Variants in PYGB observed in about 807,000 individuals in gnomAD.
PYGB encodes glycogen phosphorylase, brain form.
A neutral mutation model predicts 94.3 loss-of-function variants in PYGB; 82 were observed. The ratio of observed to expected loss-of-function variants is 0.87; its 90% CI spans 0.73 to 1.04. The LOEUF (loss-of-function observed/expected upper bound fraction) is 1.04. Among genes scored for constraint, PYGB ranks in the 50% least tolerant of loss-of-function variants. The pLI is 0.00. For missense variants in PYGB, 1,132 were observed against 1,158.2 expected (o/e 0.98, Z 0.33); for synonymous variants, 488 against 479.1 (o/e 1.02, Z -0.24).
intron 16 of PYGB, 84 bp from the exon 17 acceptor site, chr20:25,292,322 G>A (rs2088475085): frequency 6.7e-6 from 10 of 1,492,616 alleles, no homozygotes; most frequent in South Asian, 1.2e-5. Flanking sequence ...CCGGGTGGAT[G>A]GGCCGGCTTG....
chr20:25,266,627 A>C (rs184955217), intron 2 of PYGB, among the ~76,000 whole-genome samples: 28 of 152,336 alleles, frequency 1.8e-4, no homozygotes, highest in African/African-American at 6.3e-4. Flanking sequence ...TAAATCCTAA[A>C]TCTGATAAGA....
At chr20:25,257,544 T>G (rs753960721) in intron 1 of PYGB, among the ~76,000 whole-genome samples, 3 of 152,116 alleles carry the variant, frequency 2.0e-5, no homozygotes, top group Non-Finnish European at 4.4e-5. Context: ...AAATCCACAT[T>G]TTAGCCAGGT....
At position 25,265,272 on chromosome 20, in the gene PYGB, A is replaced by G. The variant is rs894932334; in HGVS notation, c.346-3857A>G. Among the ~76,000 whole-genome samples the G allele has an allele frequency of 4.0e-5, 6 of 151,272 alleles. No homozygotes were observed. In the East Asian group the frequency reaches 1.2e-3, roughly 29 times the overall value. On this transcript the variant is annotated intron_variant, in intron 2 of 19. Coordinates refer to ENST00000216962, the MANE Select transcript of PYGB (RefSeq NM_002862.4). The stretch of plus-strand genomic sequence containing the variant: ...AAATGGAATTGCTGGATCATATGGC[A>G]GTTCCATTCTTAATTTTTTTTTTGG...
chr20:25,251,467 T>C (rs576923990), intron 1 of PYGB, among the ~76,000 whole-genome samples: 1 of 152,352 alleles, frequency 6.6e-6, no homozygotes, highest in South Asian at 2.1e-4. Flanking sequence ...TTCTATTTCA[T>C]ATTGAATTGA....
chr20:25,282,559 AG>A (rs1488382385), intron 12 of PYGB, among the ~76,000 whole-genome samples: 38 of 152,232 alleles, frequency 2.5e-4, no homozygotes, highest in African/African-American at 8.9e-4. Context: ...AGCCGCTGGG[AG>A]GGTGGGACCG....
At position 25,294,190 on chromosome 20, in the gene PYGB, C is replaced by G; in HGVS notation, c.2210C>G (p.Pro737Arg). 1.2e-6 allele frequency: 2 copies of G among 1,613,932 alleles called. No homozygotes were observed. The highest frequency in any genetic ancestry group is 2.2e-5 in the East Asian group (1 of 44,882). The change falls in exon 18 of 20, where the codon CCC becomes CGC. Residue 737 changes from proline (P) to arginine (R), a missense_variant. Pro to Arg is a moderately radical substitution (Grantham distance 103, BLOSUM62 -2). Transcript: ENST00000216962. ...GCCAGGGAGTACTACGACCACCTGC[C>G]CGAGCTGAAGCAGGCCGTGGACCAG... ...YNAREYYDHL[P>R]ELKQAVDQIS... is the part of the protein sequence containing the mutation.
intron 9 of PYGB, among the ~76,000 whole-genome samples, 168 bp from the exon 10 acceptor site, chr20:25,280,098 A>G (rs1419158274): frequency 6.6e-6 from 1 of 152,210 alleles, no homozygotes; most frequent in Non-Finnish European, 1.5e-5. Context: ...GCTGCGTGTC[A>G]GGCTTTCAGA....
rs1445655615 is a variant in PYGB, at chr20:25,271,383, C to T, written c.425C>T (p.Ala142Val). ...ACTGATTTGTGATTGATTTTTTCAG[C>T]GTGTTTCCTTGACTCAATGGCTACC... ...LGNGGLGRLA[A>V]CFLDSMATLG... The change falls in exon 4 of 20, where the codon GCG becomes GTG. Residue 142 changes from alanine to valine, a missense_variant and splice_region_variant. Physicochemically the swap from Ala to Val is moderately conservative, Grantham distance 64. Coordinates refer to ENST00000216962, the MANE Select transcript of PYGB (RefSeq NM_002862.4). 8 of 1,613,610 alleles carry T rather than the reference C, an allele frequency of 5.0e-6. No homozygotes were observed. The East Asian group carries it at 6.7e-5, about 13-fold the overall frequency.
intron 3 of PYGB, among the ~76,000 whole-genome samples, chr20:25,269,956 C>T (rs184997300): frequency 6.6e-6 from 1 of 152,234 alleles, no homozygotes; most frequent in Admixed American, 6.5e-5. Context: ...AGAGCCTTTG[C>T]CTTCTGCCCA....
At chr20:25,284,070 A>C (rs779745945) in intron 13 of PYGB, 34 bp from the exon 14 acceptor site, 1 of 1,608,740 alleles carries the variant, frequency 6.2e-7, no homozygotes, top group Admixed American at 1.7e-5. Context: ...GTCCTGGTGA[A>C]GTCTCCAGCC....
At position 25,280,433 on chromosome 20, in the gene PYGB, C is replaced by T. The variant is rs201923628; in HGVS notation, c.1239+21C>T. The T allele has an allele frequency of 1.9e-6, 3 of 1,611,658 alleles. No individual in the cohort carries two copies. In the African/African-American group the frequency reaches 4.1e-5, roughly 22 times the overall value. On this transcript the variant is annotated intron_variant, in intron 10 of 19. Transcript: ENST00000216962. ...TGGACGTGAGTGTGGGCCCAGCTGGCCGTGTAGGGTGGCGGCTACACCCAT... is the reference window on the plus strand; with the variant it reads ...TGGACGTGAGTGTGGGCCCAGCTGGTCGTGTAGGGTGGCGGCTACACCCAT...
intron 2 of PYGB, among the ~76,000 whole-genome samples, chr20:25,267,780 C>T (rs1479009557): frequency 6.6e-6 from 1 of 152,176 alleles, no homozygotes; most frequent in Non-Finnish European, 1.5e-5. Flanking sequence ...ATCCTCCCAC[C>T]TTGGCCTCCT....
chr20:25,269,213 T>C lies in PYGB; in HGVS notation c.424+6T>C. ...AGGCCTGGGGAGGCTGGCAGGTAAG[T>C]TGCCCCATCCAGGAGGAGCTCTCTC... On this transcript the variant is annotated splice_donor_region_variant and intron_variant, in intron 3 of 19. Transcript: ENST00000216962. 4 of 1,568,132 alleles carry C rather than the reference T, an allele frequency of 2.6e-6. No homozygotes were observed. Among genetic ancestry groups the C allele is most frequent in the Non-Finnish European group, 3.5e-6 (4 of 1,139,192 alleles).
intron 1 of PYGB, among the ~76,000 whole-genome samples, chr20:25,251,958 T>A (rs1475607955): frequency 6.6e-6 from 1 of 152,202 alleles, no homozygotes; most frequent in Non-Finnish European, 1.5e-5. Context: ...TAGAGAAGTG[T>A]TTTGCAGACC....
intron 15 of PYGB, among the ~76,000 whole-genome samples, chr20:25,289,314 A>G (rs2088445085): frequency 2.6e-5 from 4 of 152,278 alleles, no homozygotes; most frequent in African/African-American, 9.6e-5. Flanking sequence ...TGTAAAGTCC[A>G]TAGAGATACG....
chr20:25,286,602 A>T (rs1320001273), intron 14 of PYGB, among the ~76,000 whole-genome samples: 1 of 152,058 alleles, frequency 6.6e-6, no homozygotes, highest in African/African-American at 2.4e-5. Flanking sequence ...CCTCCAAGGC[A>T]GCTCCTCTGC....
intron 1 of PYGB, among the ~76,000 whole-genome samples, chr20:25,258,562 G>A (rs2092907134): frequency 6.6e-6 from 1 of 152,260 alleles, no homozygotes; most frequent in Non-Finnish European, 1.5e-5. Flanking sequence ...GCCATGAGAA[G>A]TACTCGGTAG....
At chr20:25,282,936 GT>G (rs1479611212) in intron 12 of PYGB, among the ~76,000 whole-genome samples, 1 of 152,178 alleles carries the variant, frequency 6.6e-6, no homozygotes, top group Admixed American at 6.5e-5. Context: ...AGGGTCGTGT[GT>G]TTCCTGTGGA....
intron 10 of PYGB, among the ~76,000 whole-genome samples, chr20:25,280,728 C>T (rs1019104809): frequency 6.6e-6 from 1 of 152,190 alleles, no homozygotes; most frequent in African/African-American, 2.4e-5. Flanking sequence ...TGAGCGAGAG[C>T]CTCCTCCTCA....
Sources: gnomAD v4.1 joint callset for allele counts (sites outside exome capture counted in the v4.1 genomes callset) on GRCh38, gnomAD v4.1.1 for gene constraint, MANE v1.5 for transcripts, NCBI Gene and HGNC (gene_info 2026-07-23, HGNC 2026-07-21) for gene names.